The following ANKRD62 variants were observed in gnomAD, a reference collection of about 807,000 sequenced individuals.
ANKRD62 encodes the protein ankyrin repeat domain-containing protein 62.
In ANKRD62, 61 loss-of-function variants were observed where a neutral mutation model predicts 98.8. The ratio of observed to expected loss-of-function variants is 0.62; its 90% CI spans 0.50 to 0.76. The LOEUF (loss-of-function observed/expected upper bound fraction) is 0.76, where lower values mean the gene tolerates loss of function less well. Among genes scored for constraint, ANKRD62 ranks in the 30% least tolerant of loss-of-function variants. The pLI, the probability that ANKRD62 is intolerant of heterozygous loss-of-function variation, is 0.00. For synonymous variants in ANKRD62, 341 were observed against 367.9 expected, an observed-to-expected ratio of 0.93 and a Z score of 0.84; for missense variants, 933 against 1,082.9, an observed-to-expected ratio of 0.86 and a Z score of 1.94.
At position 12,126,163 on chromosome 18, in the gene ANKRD62, G is replaced by A. The variant is rs1202442215; in HGVS notation, c.2342G>A (p.Ser781Asn). Residue 781 changes from serine to asparagine, a missense_variant, in exon 13 of 14, where the codon AGC becomes AAC. Around this residue, in one of 3 missense-constraint regions of ANKRD62, gnomAD observed 362 missense variants for 434.5 expected, o/e 0.83. Transcript: ENST00000587848. ...GAGGATGGACTATTTCAACTACAAA[G>A]CCAAAATCTGTTGTATCAACAGCAG... Reference protein sequence around the residue: ...SVEDGLFQLQSQNLLYQQQCN... With the variant: ...SVEDGLFQLQNQNLLYQQQCN... 6.5e-7 allele frequency: 1 copy of A among 1,536,054 alleles called. No homozygotes were observed. Among genetic ancestry groups the A allele is most frequent in the Non-Finnish European group, 8.7e-7 (1 of 1,146,856 alleles).
At chr18:12,160,020 C>G in the ANKRD62 span, among the ~76,000 whole-genome samples, 1 of 152,018 alleles carries the variant, frequency 6.6e-6, no homozygotes, top group Non-Finnish European at 1.5e-5. Flanking sequence ...GGAACGTGAT[C>G]TTTCTTGTGT....
chr18:12,133,951 A>G (rs1466928577), downstream of ANKRD62, among the ~76,000 whole-genome samples: 2 of 152,140 alleles, frequency 1.3e-5, no homozygotes, highest in Non-Finnish European at 2.9e-5. Flanking sequence ...AGAAAAAAAT[A>G]TATTCTCATT....
chr18:12,139,536 C>A, the ANKRD62 span, among the ~76,000 whole-genome samples: 1 of 151,952 alleles, frequency 6.6e-6, no homozygotes, highest in African/African-American at 2.4e-5. Flanking sequence ...GTCCCAGCTA[C>A]TTGGGAGGCT....
intron 10 of ANKRD62, among the ~76,000 whole-genome samples, chr18:12,120,838 C>T (rs1909768214): frequency 1.3e-5 from 2 of 152,044 alleles, no homozygotes; most frequent in African/African-American, 4.8e-5. Flanking sequence ...TAATTTTAAC[C>T]TATCACAGTC....
chr18:12,167,340 G>A, the ANKRD62 span, among the ~76,000 whole-genome samples: 160 of 151,816 alleles, frequency 1.1e-3, no homozygotes, highest in African/African-American at 3.7e-3. Flanking sequence ...CTGTGTCCAA[G>A]CGTTCTCATT....
downstream of ANKRD62, among the ~76,000 whole-genome samples, chr18:12,133,145 A>G (rs180994137): frequency 6.6e-6 from 1 of 152,302 alleles, no homozygotes; most frequent in East Asian, 1.9e-4. Flanking sequence ...TATGCTGGGT[A>G]TATTATATAA....
intron 10 of ANKRD62, among the ~76,000 whole-genome samples, chr18:12,119,210 C>T (rs914816026): frequency 2.6e-5 from 4 of 151,836 alleles, no homozygotes; most frequent in African/African-American, 9.7e-5. Context: ...TGTATCTGTA[C>T]AGTCTGTAAT....
intron 4 of ANKRD62, among the ~76,000 whole-genome samples, chr18:12,096,828 C>T (rs913333283): frequency 6.6e-6 from 1 of 152,116 alleles, no homozygotes; most frequent in Non-Finnish European, 1.5e-5. Context: ...CTATTAATTG[C>T]TATTGCCAGA....
the ANKRD62 span, among the ~76,000 whole-genome samples, chr18:12,162,405 A>G: frequency 6.6e-6 from 1 of 152,054 alleles, no homozygotes; most frequent in South Asian, 2.1e-4. Context: ...TGAGCTCCAT[A>G]TATACTCTGG....
the ANKRD62 span, among the ~76,000 whole-genome samples, chr18:12,165,965 C>T: frequency 6.6e-6 from 1 of 152,056 alleles, no homozygotes; most frequent in Non-Finnish European, 1.5e-5. Flanking sequence ...TCTCTCCTGG[C>T]CTGTAAGGTT....
At chr18:12,153,593 G>GA in the ANKRD62 span, among the ~76,000 whole-genome samples, 170 of 64,010 alleles carry the variant, frequency 2.7e-3, no homozygotes, top group Admixed American at 6.9e-3. Context: ...CTCTGCCTGG[G>GA]AAAAAAAAAA....
At chr18:12,165,365 T>C in the ANKRD62 span, among the ~76,000 whole-genome samples, 1 of 152,052 alleles carries the variant, frequency 6.6e-6, no homozygotes, top group Non-Finnish European at 1.5e-5. Context: ...CTATCTTCCT[T>C]TTAGTAAAAG....
At chr18:12,109,970 AACAG>A (rs1489175652) in intron 8 of ANKRD62, among the ~76,000 whole-genome samples, 4 of 138,884 alleles carry the variant, frequency 2.9e-5, no homozygotes, top group East Asian at 2.0e-4. Context: ...AAAAAAAAAA[AACAG>A]ACAGACAGGT....
the ANKRD62 span, among the ~76,000 whole-genome samples, chr18:12,160,074 C>G: frequency 6.6e-6 from 1 of 152,022 alleles, no homozygotes; most frequent in African/African-American, 2.4e-5. Flanking sequence ...TGATATTTTT[C>G]AGGCTATAAT....
At chr18:12,123,387 A>G (rs1390018775) in intron 11 of ANKRD62, among the ~76,000 whole-genome samples, 1 of 152,178 alleles carries the variant, frequency 6.6e-6, no homozygotes, top group Non-Finnish European at 1.5e-5. Context: ...AATGAAAAGT[A>G]AAATGGAAAG....
At chr18:12,116,476 G>A (rs1225384884) in intron 10 of ANKRD62, among the ~76,000 whole-genome samples, 2 of 152,054 alleles carry the variant, frequency 1.3e-5, no homozygotes, top group African/African-American at 4.8e-5. Flanking sequence ...ATTACCATCT[G>A]TCTTTGTGAA....
At chr18:12,170,954 C>T in the ANKRD62 span, among the ~76,000 whole-genome samples, 1 of 90,838 alleles carries the variant, frequency 1.1e-5, no homozygotes, top group African/African-American at 5.1e-5. Context: ...GATTGCAACC[C>T]CTGCTTTTTT....
At chr18:12,097,842 T>C in intron 5 of ANKRD62, 65 bp downstream of exon 5, 1 of 1,497,506 alleles carries the variant, frequency 6.7e-7, no homozygotes, top group Non-Finnish European at 8.9e-7. Context: ...CATTGCATCT[T>C]ATATATCAAG....
At chr18:12,154,528 C>T in the ANKRD62 span, among the ~76,000 whole-genome samples, 6 of 152,102 alleles carry the variant, frequency 3.9e-5, no homozygotes, top group Non-Finnish European at 5.9e-5. Context: ...TGTGGAAAGC[C>T]GTATGGTGAG....
Sources: gnomAD v4.1 joint callset for allele counts (sites outside exome capture counted in the v4.1 genomes callset) on GRCh38, gnomAD v4.1.1 for gene constraint, gnomAD v4.1.1 regional missense constraint, MANE v1.5 for transcripts, NCBI Gene and HGNC (gene_info 2026-07-23, HGNC 2026-07-21) for gene names.